NT5DC4: variants seen among roughly 807,000 people sequenced by gnomAD.
The protein encoded by NT5DC4 is 5'-nucleotidase domain-containing protein 4.
A neutral mutation model predicts 26.6 loss-of-function variants in NT5DC4; 44 were observed. The ratio of observed to expected loss-of-function variants is 1.65; its 90% CI spans 1.30 to 2.13. The LOEUF (loss-of-function observed/expected upper bound fraction) is 2.13, where lower values mean the gene tolerates loss of function less well. NT5DC4 is among the 30% of genes most tolerant of loss of function. The pLI is 0.00. For missense variants in NT5DC4, 399 were observed against 228.1 expected, an observed-to-expected ratio of 1.75 and a Z score of -4.83; for synonymous variants, 157 against 86.7, an observed-to-expected ratio of 1.81 and a Z score of -4.51.
intron 15 of NT5DC4, among the ~76,000 whole-genome samples, chr2:112,728,071 A>C (rs1677987366): frequency 6.6e-6 from 1 of 152,238 alleles, no homozygotes. Flanking sequence ...CAAGGTCACC[A>C]GCCCTAATCT....
chr2:112,724,400 C>T, intron 10 of NT5DC4: 1 of 584,690 alleles, frequency 1.7e-6, no homozygotes, highest in Non-Finnish European at 3.1e-6. Context: ...GAGGGCATGG[C>T]AGGTCAAAGG....
At position 112,726,350 on chromosome 2, in the gene NT5DC4, C is replaced by T. The variant is rs1677711813; in HGVS notation, c.1205+61C>T. 16 of 715,378 alleles carry T rather than the reference C, an allele frequency of 2.2e-5. 1 individual carries two copies. The highest frequency in any genetic ancestry group is 2.2e-4 in the South Asian group (15 of 67,462). The allele number at this position is 715,378 out of a possible 1,614,324, so 44.3% of individuals were successfully genotyped here. On this transcript the variant is annotated intron_variant, in intron 14 of 16. Coordinates refer to ENST00000688554, the MANE Select transcript of NT5DC4 (RefSeq NM_001393655.1). Reference sequence around the variant, plus strand: ...AGGGAGAGGTATGGAGGGGCAGTGGCTCACATCCCTGCCTGGCGGCGAGGT... The same window carrying T: ...AGGGAGAGGTATGGAGGGGCAGTGGTTCACATCCCTGCCTGGCGGCGAGGT...
In NT5DC4 at chr2:112,723,163, A is replaced by T; in HGVS notation, c.610A>T (p.Ile204Phe). 1.4e-6 allele frequency: 1 copy of T among 717,258 alleles called. No homozygotes were observed. The highest frequency in any genetic ancestry group is 2.7e-5 in the East Asian group (1 of 37,260). 44.4% of individuals were successfully genotyped at this position (717,258 alleles called of 1,614,324 possible). A position where few individuals can be genotyped will look rare whatever the true frequency, so the allele number is the denominator to read the frequency against. ...FQDVTDAMNN[I>F]HQSGCLKKTL... Reference sequence around the variant, plus strand: ...GGATGTGACTGATGCCATGAATAACATCCACCAGTCGGTGAGTGAGTGGTC... The same window carrying T: ...GGATGTGACTGATGCCATGAATAACTTCCACCAGTCGGTGAGTGAGTGGTC... Residue 204 changes from isoleucine (I) to phenylalanine (F), a missense_variant, in exon 7 of 17, where the codon ATC becomes TTC. Physicochemically the swap from Ile to Phe is conservative, Grantham distance 21. Coordinates refer to ENST00000688554, the MANE Select transcript of NT5DC4 (RefSeq NM_001393655.1).
chr2:112,735,456 C>G (rs547742424), intron 16 of NT5DC4, among the ~76,000 whole-genome samples: 1 of 151,796 alleles, frequency 6.6e-6, no homozygotes, highest in East Asian at 1.9e-4. Context: ...CATGGTCATT[C>G]TGCACAGAGA....
upstream of NT5DC4, among the ~76,000 whole-genome samples, chr2:112,720,725 A>G (rs1329184445): frequency 1.3e-5 from 2 of 152,220 alleles, no homozygotes; most frequent in Non-Finnish European, 2.9e-5. Flanking sequence ...TGAGTACAGT[A>G]CGGAGCCTCC....
At chr2:112,724,192 C>T in intron 10 of NT5DC4, 66 bp downstream of exon 10, 2 of 715,450 alleles carry the variant, frequency 2.8e-6, no homozygotes, top group Non-Finnish European at 5.2e-6. Flanking sequence ...TGCCAGGCTG[C>T]ACCACGATGC....
At chr2:112,741,551 G>A (rs1574319604), downstream of NT5DC4, among the ~76,000 whole-genome samples, 1 of 152,226 alleles carries the variant, frequency 6.6e-6, no homozygotes, top group Non-Finnish European at 1.5e-5. Flanking sequence ...ACTGTGGCTA[G>A]AGGCTGACAC....
chr2:112,726,540 G>A (rs1363504440), intron 14 of NT5DC4, 138 bp from the exon 15 acceptor site: 4 of 688,342 alleles, frequency 5.8e-6, no homozygotes, highest in Non-Finnish European at 1.1e-5. Flanking sequence ...TCGCACGCAT[G>A]CACACACCCA....
At chr2:112,740,892 C>T (rs781210944), downstream of NT5DC4, 33 of 1,613,808 alleles carry the variant, frequency 2.0e-5, no homozygotes, top group African/African-American at 2.7e-5. Context: ...GGGGTGTCGC[C>T]GTGACTTGTT....
downstream of NT5DC4, among the ~76,000 whole-genome samples, chr2:112,741,483 T>C (rs923084819): frequency 1.3e-5 from 2 of 152,218 alleles, no homozygotes; most frequent in African/African-American, 2.4e-5. Context: ...ATAGTTTTCA[T>C]GGTAGCCCAA....
At chr2:112,719,956 T>C (rs1676716349), upstream of NT5DC4, among the ~76,000 whole-genome samples, 2 of 127,426 alleles carry the variant, frequency 1.6e-5, no homozygotes, top group African/African-American at 6.1e-5. Context: ...CTTTCTTTCT[T>C]TCTTTCTTTC....
intron 6 of NT5DC4, 22 bp from the exon 7 acceptor site, chr2:112,723,059 G>A (rs530950469): frequency 6.5e-5 from 46 of 705,738 alleles, no homozygotes; most frequent in African/African-American, 3.7e-4. Flanking sequence ...TGGCCTCCCC[G>A]TCCCCTCTTT....
chr2:112,736,264 C>T (rs370169045), intron 16 of NT5DC4, among the ~76,000 whole-genome samples: 20 of 152,116 alleles, frequency 1.3e-4, no homozygotes, highest in Admixed American at 3.3e-4. Context: ...GATGCCTCTA[C>T]GTCCTATGTT....
intron 15 of NT5DC4, among the ~76,000 whole-genome samples, chr2:112,728,118 A>G (rs1230931758): frequency 2.6e-5 from 4 of 152,238 alleles, no homozygotes; most frequent in African/African-American, 9.6e-5. Context: ...AGTCTTGCAG[A>G]TAACTGTCTG....
chr2:112,724,684 A>G, intron 10 of NT5DC4, 97 bp from the exon 11 acceptor site: 1 of 674,722 alleles, frequency 1.5e-6, no homozygotes, highest in Non-Finnish European at 2.8e-6. Flanking sequence ...TCCAGCTGGG[A>G]GGTTGGTGGG....
chr2:112,723,842 C>T (rs140670611), intron 9 of NT5DC4, 40 bp downstream of exon 9: 10,930 of 715,752 alleles, frequency 0.015, 128 homozygotes, highest in Non-Finnish European at 0.019. Context: ...CGGCCTCCTT[C>T]CTGGCCCCAG....
upstream of NT5DC4, among the ~76,000 whole-genome samples, chr2:112,719,954 CTTTCTT>C (rs1376358596): frequency 8.6e-6 from 1 of 115,700 alleles, no homozygotes; most frequent in African/African-American, 3.6e-5. Context: ...TTCTTTCTTT[CTTTCTT>C]TCTTTCTTTC....
intron 16 of NT5DC4, among the ~76,000 whole-genome samples, chr2:112,736,413 T>C (rs1679177616): frequency 1.3e-5 from 2 of 152,164 alleles, no homozygotes; most frequent in African/African-American, 2.4e-5. Context: ...ATGGGATACA[T>C]ATAGATAATA....
intron 16 of NT5DC4, chr2:112,730,968 C>A (rs1340484404): frequency 6.6e-6 from 1 of 152,084 alleles, no homozygotes; most frequent in Non-Finnish European, 1.5e-5. Context: ...TATATCCTCA[C>A]CCCATCAGGA....
Sources: gnomAD v4.1 joint callset for allele counts (sites outside exome capture counted in the v4.1 genomes callset) on GRCh38, gnomAD v4.1.1 for gene constraint, MANE v1.5 for transcripts, NCBI Gene and HGNC (gene_info 2026-07-23, HGNC 2026-07-21) for gene names.